Variants in RPS6KA2 observed in about 807,000 individuals in gnomAD.
The protein encoded by RPS6KA2 is ribosomal protein S6 kinase alpha-2.
A neutral mutation model predicts 91.8 loss-of-function variants in RPS6KA2; 42 were observed. The ratio of observed to expected loss-of-function variants is 0.46; its 90% CI spans 0.36 to 0.59. The LOEUF (loss-of-function observed/expected upper bound fraction) is 0.59, where lower values mean the gene tolerates loss of function less well. RPS6KA2 is among the 20% of genes least tolerant of loss of function. The pLI is 0.00. For synonymous variants in RPS6KA2, 414 were observed against 393.6 expected, an observed-to-expected ratio of 1.05 and a Z score of -0.61; for missense variants, 798 against 978.5, an observed-to-expected ratio of 0.82 and a Z score of 2.46.
In RPS6KA2 at chr6:166,825,165, C is replaced by T. The variant is rs905293661; in HGVS notation, c.123+33035G>A. Among the ~76,000 whole-genome samples, 6 of 152,178 alleles carry T rather than the reference C, an allele frequency of 3.9e-5. No homozygotes were observed. In the South Asian group the frequency reaches 8.3e-4, roughly 21 times the overall value. ...AATCCATTTCAAAGCCAGAGCAGAG[C>T]GGGCTCCCCACAAATGGGGGCTCTG... On this transcript the variant is annotated intron_variant, in intron 2 of 21. Transcript: ENST00000503859. The surrounding 1 kb of genome is among the most constrained non-coding windows in gnomAD (Gnocchi z 4.1).
intron 2 of RPS6KA2, among the ~76,000 whole-genome samples, chr6:166,805,063 G>A (rs759807224): frequency 4.6e-5 from 7 of 152,268 alleles, no homozygotes; most frequent in South Asian, 2.1e-4. Context: ...GACAACAATT[G>A]CAATAGAGTA....
intron 2 of RPS6KA2, among the ~76,000 whole-genome samples, chr6:166,794,209 C>G (rs1583126843): frequency 7.0e-6 from 1 of 142,266 alleles, no homozygotes; most frequent in African/African-American, 2.6e-5. Context: ...TGAACAGACA[C>G]TTCTCAAAAG....
intron 2 of RPS6KA2, among the ~76,000 whole-genome samples, chr6:166,807,984 A>G (rs1779535310): frequency 6.6e-6 from 1 of 152,088 alleles, no homozygotes; most frequent in South Asian, 2.1e-4. Flanking sequence ...GGGGAGCACG[A>G]TGGACCCATG....
At chr6:166,504,402 C>T in intron 6 of RPS6KA2, 104 bp downstream of exon 6, 1 of 698,054 alleles carries the variant, frequency 1.4e-6, no homozygotes, top group Non-Finnish European at 2.4e-6. Context: ...CTGATATGTC[C>T]TCATTTAGGA....
Position 166,494,733 on chromosome 6 carries a change from C to A in RPS6KA2, c.747+3775G>T, listed in dbSNP as rs989658234. Among the ~76,000 whole-genome samples the A allele has an allele frequency of 6.6e-6, 1 of 152,212 alleles. No individual in the cohort carries two copies. Among genetic ancestry groups the A allele is most frequent in the Non-Finnish European group, 1.5e-5 (1 of 68,034 alleles). ...GCCCCTGGCACAGGCATCCTTCCTT[C>A]CAGGTCTGGGGAGGGCACTTGTGGA... On this transcript the variant is annotated intron_variant, in intron 8 of 20. Coordinates refer to ENST00000265678, the MANE Select transcript of RPS6KA2 (RefSeq NM_021135.6). The surrounding 1 kb of genome is among the most constrained non-coding windows in gnomAD (Gnocchi z 5.1).
intron 2 of RPS6KA2, among the ~76,000 whole-genome samples, chr6:166,534,217 G>C (rs1160523414): frequency 2.3e-5 from 2 of 87,084 alleles, no homozygotes; most frequent in East Asian, 7.3e-4. Context: ...GCGAGACTCT[G>C]TCTCAAAAAA....
intron 2 of RPS6KA2, among the ~76,000 whole-genome samples, chr6:166,751,283 C>T (rs771919145): frequency 6.6e-6 from 1 of 152,344 alleles, no homozygotes; most frequent in South Asian, 2.1e-4. Flanking sequence ...TGGCCAGGTG[C>T]GTTCAGGAAG....
At position 166,855,414 on chromosome 6, in the gene RPS6KA2, GGAGGAAGAAGAAGAGGAAGAA is replaced by G. The variant is rs1232900128; in HGVS notation, c.123+2765_123+2785del. On this transcript the variant is annotated intron_variant, in intron 2 of 21. Coordinates refer to the RPS6KA2 transcript ENST00000503859. ...AGGAGAAGGAGGAGGAGGAAGAGGA[GGAGGAAGAAGAAGAGGAAGAA>G]GAGGAAGAAGAAGAGGAAGAAGAAG... Among the ~76,000 whole-genome samples, 1,128 of 148,006 alleles carry G rather than the reference GGAGGAAGAAGAAGAGGAAGAA, an allele frequency of 7.6e-3. 13 individuals carry two copies. The highest frequency in any genetic ancestry group is 0.028 in the African/African-American group (1,050 of 37,920).
intron 13 of RPS6KA2, among the ~76,000 whole-genome samples, chr6:166,449,858 CAT>C (rs1779809587): frequency 7.6e-6 from 1 of 131,534 alleles, no homozygotes; most frequent in African/African-American, 2.6e-5. Context: ...CGAGGACCAC[CAT>C]GGGAACCACC....
chr6:166,826,511 C>T (rs1021154805), intron 2 of RPS6KA2, among the ~76,000 whole-genome samples: 2 of 152,356 alleles, frequency 1.3e-5, no homozygotes, highest in South Asian at 2.1e-4. Flanking sequence ...CTCCCACACA[C>T]CTCCTTGCAG....
chr6:166,413,961 G>A (rs770597044), intron 19 of RPS6KA2, 30 bp from the exon 20 acceptor site: 1 of 1,607,678 alleles, frequency 6.2e-7, no homozygotes, highest in Non-Finnish European at 8.5e-7. Context: ...GAGTCGGGGG[G>A]ATGGTTGGAT....
At chr6:166,803,567 C>T (rs1031668117) in intron 2 of RPS6KA2, among the ~76,000 whole-genome samples, 3 of 152,158 alleles carry the variant, frequency 2.0e-5, no homozygotes, top group East Asian at 1.9e-4. Context: ...CGGCAGGCAG[C>T]GAGAGTTAAA....
At chr6:166,629,105 A>G (rs961266876), upstream of RPS6KA2, among the ~76,000 whole-genome samples, 6 of 152,212 alleles carry the variant, frequency 3.9e-5, no homozygotes, top group African/African-American at 1.4e-4. Flanking sequence ...AAACACAAAG[A>G]CACTCTGTAC....
chr6:166,788,628 C>G (rs995643662), intron 2 of RPS6KA2, among the ~76,000 whole-genome samples: 4 of 152,048 alleles, frequency 2.6e-5, no homozygotes, highest in Non-Finnish European at 5.9e-5. Flanking sequence ...TAAGTGGGAG[C>G]TGAACAATGA....
intron 2 of RPS6KA2, among the ~76,000 whole-genome samples, chr6:166,688,137 C>T (rs894002408): frequency 2.2e-4 from 33 of 152,230 alleles, no homozygotes; most frequent in African/African-American, 7.5e-4. Context: ...GAGGCCCTGA[C>T]GGGTCTCTGG....
Position 166,665,322 on chromosome 6 carries a change from T to C in RPS6KA2, c.124-126538A>G, listed in dbSNP as rs1202415773. Among the ~76,000 whole-genome samples the C allele has an allele frequency of 6.6e-6, 1 of 152,112 alleles. No individual in the cohort carries two copies. Among genetic ancestry groups the C allele is most frequent in the Non-Finnish European group, 1.5e-5 (1 of 68,012 alleles). ...AGTGTCCCTAAATTGATGTTAAGAA[T>C]ACTAATGAAGGATGAACTGAGTCTC... On this transcript the variant is annotated intron_variant, in intron 2 of 21. Transcript: ENST00000503859. This position sits in a 1 kb window ranked among gnomAD's most constrained non-coding sequence, Gnocchi z 4.5.
intron 14 of RPS6KA2, among the ~76,000 whole-genome samples, chr6:166,444,651 G>A (rs950297471): frequency 6.6e-6 from 1 of 152,212 alleles, no homozygotes; most frequent in African/African-American, 2.4e-5. Context: ...GAAGAGGGTC[G>A]GTGTCTTCCC....
At chr6:166,689,454 A>G (rs1459930440) in intron 2 of RPS6KA2, among the ~76,000 whole-genome samples, 2 of 152,258 alleles carry the variant, frequency 1.3e-5, no homozygotes, top group African/African-American at 4.8e-5. Flanking sequence ...TAAATATTTA[A>G]TTGAATGAAA....
chr6:166,593,315 T>C (rs1785417902), intron 1 of RPS6KA2, among the ~76,000 whole-genome samples: 1 of 152,082 alleles, frequency 6.6e-6, no homozygotes, highest in Non-Finnish European at 1.5e-5. Flanking sequence ...TGGAATGGAA[T>C]GGAATAGAAT....
Sources: gnomAD v4.1 joint callset for allele counts (sites outside exome capture counted in the v4.1 genomes callset) on GRCh38, gnomAD v4.1.1 for gene constraint, Gnocchi (gnomAD v3.1) non-coding constraint, MANE v1.5 for transcripts, NCBI Gene and HGNC (gene_info 2026-07-23, HGNC 2026-07-21) for gene names.